SORL1: variants seen among roughly 807,000 people sequenced by gnomAD.
SORL1 encodes sortilin related receptor 1, also known as sortilin-related receptor.
A neutral mutation model predicts 273.7 loss-of-function variants in SORL1; 127 were observed. The observed-to-expected ratio is 0.46, with a 90% confidence interval of 0.40 to 0.54. SORL1 has a LOEUF of 0.54. SORL1 is among the 20% of genes least tolerant of loss of function. SORL1 has a pLI of 0.00. For missense variants in SORL1, 2,494 were observed against 2,846.1 expected (o/e 0.88, Z 2.81); for synonymous variants, 1,031 against 1,067.4 (o/e 0.97, Z 0.66).
At position 121,627,549 on chromosome 11, in the gene SORL1, T is replaced by TG. The variant is rs1228326474; in HGVS notation, c.6365-4dup. On this transcript the variant is annotated splice_polypyrimidine_tract_variant and splice_region_variant and intron_variant, in intron 46 of 47. Coordinates refer to ENST00000260197, the MANE Select transcript of SORL1 (RefSeq NM_003105.6). This position sits in a 1 kb window ranked among gnomAD's most constrained non-coding sequence, Gnocchi z 4.9. ...GGGCTTATTGGTGGGAACTTTGCCTTGGCAGGTGCAGATGCATCTGCAACG... is the reference window on the plus strand; with the variant it reads ...GGGCTTATTGGTGGGAACTTTGCCTTGGGCAGGTGCAGATGCATCTGCAACG... 5 of 1,613,742 alleles carry TG rather than the reference T, an allele frequency of 3.1e-6. No homozygotes were observed. The highest frequency in any genetic ancestry group is 4.2e-6 in the Non-Finnish European group (5 of 1,179,638).
intron 8 of SORL1, among the ~76,000 whole-genome samples, chr11:121,518,923 G>A (rs1288278084): frequency 1.3e-5 from 2 of 151,868 alleles, no homozygotes; most frequent in East Asian, 1.9e-4. Context: ...CTGAAGTAAA[G>A]GGCAAGCTTC....
intron 45 of SORL1, among the ~76,000 whole-genome samples, chr11:121,624,554 G>A (rs1051012773): frequency 2.6e-5 from 4 of 152,200 alleles, no homozygotes; most frequent in Non-Finnish European, 5.9e-5. Flanking sequence ...GGCTGAGATC[G>A]GCTCAGAAGG....
rs1207115846 is a variant in SORL1, at chr11:121,625,234, C to T, written c.6321C>T (p.Ile2107=). ...CAAGATGCCTTTTTGGCAACCAGATCTGTGGGGAGCCTGCCATCCTGCTGT... is the reference window on the plus strand; with the variant it reads ...CAAGATGCCTTTTTGGCAACCAGATTTGTGGGGAGCCTGCCATCCTGCTGT... ...VQARCLFGNQ[I]CGEPAILLYD... The change falls in exon 46 of 48, where the codon ATC becomes ATT. Residue 2107 remains isoleucine, a synonymous_variant. Coordinates refer to ENST00000260197, the MANE Select transcript of SORL1 (RefSeq NM_003105.6). 1.2e-6 allele frequency: 2 copies of T among 1,613,958 alleles called. No individual in the cohort carries two copies. The highest frequency in any genetic ancestry group is 1.7e-6 in the Non-Finnish European group (2 of 1,179,998).
chr11:121,555,272 T>G lies in SORL1; in HGVS notation c.2525T>G (p.Leu842Arg). 6.2e-7 allele frequency: 1 copy of G among 1,614,116 alleles called. No individual in the cohort carries two copies. The change falls in exon 18 of 48, where the codon CTC (leucine) becomes CGC (arginine). Residue 842 changes from leucine (L) to arginine (R), a missense_variant. Physicochemically the swap from Leu to Arg is moderately radical, Grantham distance 102 (BLOSUM62 -2). Coordinates refer to ENST00000260197, the MANE Select transcript of SORL1 (RefSeq NM_003105.6). ...ETVEALAFEP[L>R]SQLLYWVDAG... Reference sequence around the variant, plus strand: ...GTAGAAGCTTTGGCTTTTGAACCCCTCAGCCAGCTGCTTTACTGGGTAGAT... The same window carrying G: ...GTAGAAGCTTTGGCTTTTGAACCCCGCAGCCAGCTGCTTTACTGGGTAGAT...
At position 121,627,626 on chromosome 11, in the gene SORL1, C is replaced by T. The variant is rs764561299; in HGVS notation, c.6436C>T (p.Leu2146=). ...VAAVVVPILF[L]ILLSLGVGFA... is the part of the protein sequence containing the mutation. ...TGCTGTGGTGGTGCCCATCTTATTC[C>T]TGATACTGCTGAGCCTGGGGGTGGG... Residue 2146 remains leucine, a synonymous_variant, in exon 47 of 48, where the codon CTG becomes TTG. Coordinates refer to ENST00000260197, the MANE Select transcript of SORL1 (RefSeq NM_003105.6). This position sits in a 1 kb window ranked among gnomAD's most constrained non-coding sequence, Gnocchi z 4.9. The T allele has an allele frequency of 1.1e-5, 18 of 1,614,210 alleles. No individual in the cohort carries two copies. In the South Asian group the frequency reaches 2.0e-4, roughly 18 times the overall value.
At chr11:121,607,135 G>T in intron 36 of SORL1, 51 bp from the exon 37 acceptor site, 1 of 1,208,020 alleles carries the variant, frequency 8.3e-7, no homozygotes, top group East Asian at 2.3e-5. Context: ...ATATTAGGAT[G>T]CCCTGGACCT....
intron 32 of SORL1, among the ~76,000 whole-genome samples, chr11:121,601,459 G>A (rs1011191417): frequency 1.5e-4 from 22 of 151,266 alleles, no homozygotes; most frequent in Non-Finnish European, 3.2e-4. Flanking sequence ...CCAGATCCCT[G>A]AGGAATCGCC....
Position 121,605,440 on chromosome 11 carries a change from A to G in SORL1, c.4817A>G (p.His1606Arg), listed in dbSNP as rs754092667. Residue 1606 changes from histidine to arginine, a missense_variant, in exon 35 of 48, where the codon CAC (histidine) becomes CGC (arginine). His to Arg is a conservative substitution (Grantham distance 29). Transcript: ENST00000260197. ...GESIWKTLET[H>R]SNKTNTVLKV... ...AGCATATGGAAGACTCTGGAGACCCACAGCAATAAGACAAACACTGTATTA... is the reference window on the plus strand; with the variant it reads ...AGCATATGGAAGACTCTGGAGACCCGCAGCAATAAGACAAACACTGTATTA... The G allele has an allele frequency of 5.6e-6, 9 of 1,613,836 alleles. No individual in the cohort carries two copies. The highest frequency in any genetic ancestry group is 7.6e-6 in the Non-Finnish European group (9 of 1,179,854).
At chr11:121,617,583 C>T (rs1863659744) in intron 41 of SORL1, among the ~76,000 whole-genome samples, 1 of 152,164 alleles carries the variant, frequency 6.6e-6, no homozygotes, top group Non-Finnish European at 1.5e-5. Context: ...CTTTGTGGAT[C>T]CCCGCTCAGT....
chr11:121,616,619 C>T (rs1316319276), intron 41 of SORL1, among the ~76,000 whole-genome samples: 1 of 152,218 alleles, frequency 6.6e-6, no homozygotes, highest in African/African-American at 2.4e-5. Context: ...GCTTTGGGAC[C>T]CCTTTGAGTC....
At chr11:121,487,846 A>C (rs1409786619) in intron 3 of SORL1, among the ~76,000 whole-genome samples, 186 bp from the exon 4 acceptor site, 1 of 152,160 alleles carries the variant, frequency 6.6e-6, no homozygotes, top group Non-Finnish European at 1.5e-5. Flanking sequence ...GGAGTATGCC[A>C]GTGTCTTTTT....
chr11:121,519,121 T>A (rs1861997097), intron 8 of SORL1, among the ~76,000 whole-genome samples: 1 of 151,710 alleles, frequency 6.6e-6, no homozygotes, highest in African/African-American at 2.4e-5. Context: ...CTAATTTTTG[T>A]ATTATTAATA....
chr11:121,616,489 C>T (rs916257401), intron 41 of SORL1, among the ~76,000 whole-genome samples: 3 of 152,176 alleles, frequency 2.0e-5, no homozygotes, highest in African/African-American at 7.2e-5. Context: ...CTTTCCTCTC[C>T]AGAGACACCC....
At chr11:121,531,852 C>G (rs936040398) in intron 11 of SORL1, among the ~76,000 whole-genome samples, 2 of 152,202 alleles carry the variant, frequency 1.3e-5, no homozygotes, top group African/African-American at 4.8e-5. Context: ...TTCTCTGGTT[C>G]CTTTGGGGGA....
intron 30 of SORL1, chr11:121,590,591 C>A (rs1331948473): frequency 3.4e-6 from 2 of 583,054 alleles, no homozygotes; most frequent in Non-Finnish European, 6.1e-6. Flanking sequence ...GCAGACTTGC[C>A]CCTTTCCTTT....
At chr11:121,589,131 G>C in intron 28 of SORL1, 128 bp from the exon 29 acceptor site, 1 of 987,510 alleles carries the variant, frequency 1.0e-6, no homozygotes, top group South Asian at 1.4e-5. Flanking sequence ...TGCTTTCAAG[G>C]CATGGTTTAG....
chr11:121,526,125 C>T (rs1682341830), intron 11 of SORL1, among the ~76,000 whole-genome samples: 1 of 152,070 alleles, frequency 6.6e-6, no homozygotes, highest in Non-Finnish European at 1.5e-5. Flanking sequence ...ATTTTGGATT[C>T]AGGTCTTTTG....
intron 20 of SORL1, among the ~76,000 whole-genome samples, chr11:121,559,172 C>T (rs563651096): frequency 1.3e-5 from 2 of 152,134 alleles, no homozygotes; most frequent in East Asian, 1.9e-4. Flanking sequence ...TGATGACTTC[C>T]GGTGAGCTCT....
chr11:121,513,044 G>C lies in SORL1; in HGVS notation c.981G>C (p.Trp327Cys). 1 of 1,614,072 alleles carries C rather than the reference G, an allele frequency of 6.2e-7. No homozygotes were observed. Among genetic ancestry groups the C allele is most frequent in the Non-Finnish European group, 8.5e-7 (1 of 1,180,006 alleles). ...AACAGCAGTCTTCTGTCCAGCTCTG[G>C]GTCTCCTTTGGCCGGAAGCCCATGA... Reference protein sequence around the residue: ...GSEQQSSVQLWVSFGRKPMRA... With the variant: ...GSEQQSSVQLCVSFGRKPMRA... The change falls in exon 7 of 48, where the codon TGG becomes TGC. Residue 327 changes from tryptophan (W) to cysteine (C), a missense_variant. By Grantham distance (215) the Trp-to-Cys change is radical. Transcript: ENST00000260197.
Sources: allele counts gnomAD v4.1 joint callset (sites outside exome capture counted in the v4.1 genomes callset), GRCh38; gene constraint gnomAD v4.1.1; non-coding constraint Gnocchi (gnomAD v3.1); transcripts MANE v1.5; gene names NCBI Gene and HGNC (gene_info 2026-07-23, HGNC 2026-07-21).